DGKB: variants seen among roughly 807,000 people sequenced by gnomAD.
The protein encoded by DGKB is 90 kDa diacylglycerol kinase.
In DGKB, 67 loss-of-function variants were observed where a neutral mutation model predicts 114.3. The observed-to-expected ratio is 0.59, with a 90% CI of 0.48 to 0.72. DGKB has a LOEUF of 0.72. Ranked by LOEUF, DGKB falls within the 30% of genes least tolerant of loss-of-function variation. The probability of loss-of-function intolerance (pLI) is 0.00; values close to 1 mark genes in which losing one functional copy is unlikely to be tolerated. For synonymous variants in DGKB, 398 were observed against 323.1 expected (o/e 1.23, Z -2.49); for missense variants, 907 against 975.2 (o/e 0.93, Z 0.93).
chr7:14,256,582 T>C (rs2128401948), intron 23 of DGKB, among the ~76,000 whole-genome samples: 1 of 152,324 alleles, frequency 6.6e-6, no homozygotes, highest in South Asian at 2.1e-4. Flanking sequence ...ATGATCTGTT[T>C]TACATGTTTT....
intron 6 of DGKB, among the ~76,000 whole-genome samples, chr7:14,716,391 A>G (rs992422333): frequency 2.6e-5 from 4 of 152,134 alleles, no homozygotes; most frequent in Non-Finnish European, 5.9e-5. Flanking sequence ...CTGCTTAGCT[A>G]CCCTGGAAGT....
At chr7:14,305,808 A>G (rs1388735472) in intron 23 of DGKB, among the ~76,000 whole-genome samples, 3 of 152,172 alleles carry the variant, frequency 2.0e-5, no homozygotes, top group African/African-American at 7.2e-5. Flanking sequence ...GCAGGTTCAT[A>G]TTAACATCAT....
chr7:14,747,801 A>ACACACACACACG (rs10527913), intron 4 of DGKB, among the ~76,000 whole-genome samples: 1 of 152,014 alleles, frequency 6.6e-6, no homozygotes, highest in African/African-American at 2.4e-5. Flanking sequence ...ACACACACAC[A>ACACACACACACG]AATGTTCAAA....
intron 13 of DGKB, among the ~76,000 whole-genome samples, chr7:14,671,845 T>C (rs993203533): frequency 9.2e-5 from 14 of 152,270 alleles, no homozygotes; most frequent in African/African-American, 3.4e-4. Context: ...AAAAACAACA[T>C]TTAAATTAAC....
intron 20 of DGKB, among the ~76,000 whole-genome samples, chr7:14,530,760 C>G (rs1337824300): frequency 6.6e-6 from 1 of 151,434 alleles, no homozygotes; most frequent in Non-Finnish European, 1.5e-5. Flanking sequence ...TAAATCTTTC[C>G]TTTGTCTCTC....
rs993186391 is a variant in DGKB at position 14,145,962 on chromosome 7, C to T, written c.*3169G>A. 2.6e-5 allele frequency: 4 copies of T among 152,196 alleles called. No homozygotes were observed. The highest frequency in any genetic ancestry group is 6.5e-5 in the Admixed American group (1 of 15,274). The allele number at this position is 152,196 out of a possible 1,614,324, so 9.4% of individuals were successfully genotyped here. A position where few individuals can be genotyped will look rare whatever the true frequency, so the allele number is the denominator to read the frequency against. ...GAAAACAAAATAAAATGTGGAAACA[C>T]GTATGTGATTCATTAGCCCTCACTG... On this transcript the variant is annotated 3_prime_UTR_variant, in exon 26 of 26. Coordinates refer to ENST00000402815, the MANE Select transcript of DGKB (RefSeq NM_001350709.2).
At chr7:14,842,012 C>G (rs1225959848) in intron 1 of DGKB, among the ~76,000 whole-genome samples, 1 of 152,126 alleles carries the variant, frequency 6.6e-6, no homozygotes, top group Non-Finnish European at 1.5e-5. Flanking sequence ...GTGAATCACG[C>G]TTTAAAATAA....
chr7:14,704,552 G>A (rs868109126), intron 6 of DGKB, among the ~76,000 whole-genome samples: 2 of 151,888 alleles, frequency 1.3e-5, no homozygotes, highest in African/African-American at 4.8e-5. Context: ...CGCAGAAGAC[G>A]GGTGATTTCT....
intron 20 of DGKB, among the ~76,000 whole-genome samples, chr7:14,538,374 G>C (rs1394107551): frequency 3.9e-5 from 6 of 152,088 alleles, no homozygotes; most frequent in South Asian, 2.1e-4. Flanking sequence ...CTCAACAGTT[G>C]TATAAAAAGA....
At chr7:14,533,729 CA>C (rs1253912853) in intron 20 of DGKB, among the ~76,000 whole-genome samples, 1 of 151,964 alleles carries the variant, frequency 6.6e-6, no homozygotes. Flanking sequence ...GCAGATTTCT[CA>C]GCAGAAATGT....
At chr7:14,521,101 G>C (rs1295889316) in intron 20 of DGKB, among the ~76,000 whole-genome samples, 1 of 152,028 alleles carries the variant, frequency 6.6e-6, no homozygotes, top group African/African-American at 2.4e-5. Flanking sequence ...TGTATGTAAA[G>C]AGTTATTTTT....
At chr7:14,910,656 C>T (rs1587363643) in intron 1 of DGKB, among the ~76,000 whole-genome samples, 1 of 152,146 alleles carries the variant, frequency 6.6e-6, no homozygotes, top group Non-Finnish European at 1.5e-5. Flanking sequence ...AAGAACTTAA[C>T]TAATTTATCC....
At chr7:14,202,227 G>A (rs1363367283) in intron 23 of DGKB, among the ~76,000 whole-genome samples, 1 of 151,382 alleles carries the variant, frequency 6.6e-6, no homozygotes, top group Non-Finnish European at 1.5e-5. Flanking sequence ...TTTTTTTCTG[G>A]TAACCAATAG....
chr7:14,698,017 G>T, intron 8 of DGKB, 78 bp downstream of exon 8: 1 of 676,448 alleles, frequency 1.5e-6, no homozygotes, highest in Non-Finnish European at 2.5e-6. Context: ...AAGAAAGAAA[G>T]AGAAAGAAAG....
At chr7:14,663,517 C>G (rs1241355007) in intron 13 of DGKB, among the ~76,000 whole-genome samples, 1 of 151,922 alleles carries the variant, frequency 6.6e-6, no homozygotes, top group East Asian at 1.9e-4. Context: ...TGTAAGAACT[C>G]TGGACTCTAG....
intron 23 of DGKB, among the ~76,000 whole-genome samples, chr7:14,222,668 G>A (rs1359721865): frequency 6.6e-6 from 1 of 151,414 alleles, no homozygotes; most frequent in African/African-American, 2.4e-5. Flanking sequence ...TACAGATGCT[G>A]ATACACATAC....
At chr7:14,629,757 T>C (rs1229518289) in intron 14 of DGKB, among the ~76,000 whole-genome samples, 1 of 152,124 alleles carries the variant, frequency 6.6e-6, no homozygotes, top group Non-Finnish European at 1.5e-5. Context: ...CTCTATACAA[T>C]GGCATGGGCT....
intron 1 of DGKB, among the ~76,000 whole-genome samples, chr7:14,959,618 C>G (rs1366528755): frequency 6.6e-6 from 1 of 151,926 alleles, no homozygotes; most frequent in African/African-American, 2.4e-5. Context: ...CCAGTGTGCT[C>G]TTTCAGTGTG....
intron 6 of DGKB, among the ~76,000 whole-genome samples, chr7:14,710,166 C>T: frequency 6.6e-6 from 1 of 151,902 alleles, no homozygotes; most frequent in East Asian, 1.9e-4. Flanking sequence ...TTATATTCTT[C>T]TTTATTTAGA....
Sources: gnomAD v4.1 joint callset for allele counts (sites outside exome capture counted in the v4.1 genomes callset) on GRCh38, gnomAD v4.1.1 for gene constraint, MANE v1.5 for transcripts, NCBI Gene and HGNC (gene_info 2026-07-23, HGNC 2026-07-21) for gene names.